PTPRT: variants seen among roughly 807,000 people sequenced by gnomAD.
The protein encoded by PTPRT is receptor-type tyrosine-protein phosphatase T.
In PTPRT, 56 loss-of-function variants were observed where a neutral mutation model predicts 176.8. The observed-to-expected ratio is 0.32, with a 90% CI of 0.26 to 0.40. The LOEUF is 0.40. Among genes scored for constraint, PTPRT ranks in the 10% least tolerant of loss-of-function variants. PTPRT has a pLI of 1.00. For missense variants in PTPRT, 1,540 were observed against 1,908.2 expected, an observed-to-expected ratio of 0.81 and a Z score of 3.60; for synonymous variants, 783 against 739.0, an observed-to-expected ratio of 1.06 and a Z score of -0.96.
chr20:42,944,782 A>C (rs190922877), intron 1 of PTPRT, among the ~76,000 whole-genome samples: 353 of 152,278 alleles, frequency 2.3e-3, no homozygotes, highest in African/African-American at 8.2e-3. Flanking sequence ...TGCATTAAGC[A>C]CTTGGTTGGT....
At chr20:42,438,640 TAC>T (rs1047915104) in intron 9 of PTPRT, among the ~76,000 whole-genome samples, 2 of 152,192 alleles carry the variant, frequency 1.3e-5, no homozygotes, top group African/African-American at 4.8e-5. Context: ...CATATGCTCA[TAC>T]ACACACCCCA....
At chr20:42,523,213 C>T (rs2072208238) in intron 7 of PTPRT, among the ~76,000 whole-genome samples, 1 of 152,192 alleles carries the variant, frequency 6.6e-6, no homozygotes, top group African/African-American at 2.4e-5. Context: ...TTATGTGTGA[C>T]TCTGAAGCCC....
At position 42,620,475 on chromosome 20, in the gene PTPRT, C is replaced by G. The variant is rs1390949454; in HGVS notation, c.1153+57391G>C. Among the ~76,000 whole-genome samples the G allele has an allele frequency of 2.7e-5, 4 of 148,638 alleles. No homozygotes were observed. In the East Asian group the frequency reaches 5.8e-4, roughly 22 times the overall value. On this transcript the variant is annotated intron_variant, in intron 7 of 30. Coordinates refer to ENST00000373187, the MANE Select transcript of PTPRT (RefSeq NM_007050.6). The stretch of plus-strand genomic sequence containing the variant: ...GAGCTGTGGTGGGCTCCACCCAGTT[C>G]GAGCTTCCTGGCTGCTTTGTTTACC...
At chr20:42,382,309 G>A (rs367572220) in intron 9 of PTPRT, among the ~76,000 whole-genome samples, 12 of 152,268 alleles carry the variant, frequency 7.9e-5, no homozygotes, top group East Asian at 3.9e-4. Context: ...GATGGAGTTC[G>A]GGGATATTTT....
chr20:42,175,135 C>G (rs1990237568), intron 16 of PTPRT, among the ~76,000 whole-genome samples: 1 of 152,156 alleles, frequency 6.6e-6, no homozygotes, highest in Non-Finnish European at 1.5e-5. Context: ...AGAACTTTTT[C>G]AAAGGCCAAA....
chr20:42,472,251 T>C lies in PTPRT; in HGVS notation c.1450+15A>G, dbSNP rs774229375. 1 of 1,610,698 alleles carries C rather than the reference T, an allele frequency of 6.2e-7. No individual in the cohort carries two copies. Among genetic ancestry groups the C allele is most frequent in the Admixed American group, 1.7e-5 (1 of 59,886 alleles). On this transcript the variant is annotated intron_variant, in intron 8 of 30. Coordinates refer to ENST00000373187, the MANE Select transcript of PTPRT (RefSeq NM_007050.6). ...AATATCCCCATTCCCATGTAAGCTCTCCTCCCTTGCTCACCGTCTTCCTCA... is the reference window on the plus strand; with the variant it reads ...AATATCCCCATTCCCATGTAAGCTCCCCTCCCTTGCTCACCGTCTTCCTCA...
At chr20:42,560,099 G>T (rs1199789269) in intron 7 of PTPRT, among the ~76,000 whole-genome samples, 1 of 152,194 alleles carries the variant, frequency 6.6e-6, no homozygotes, top group Non-Finnish European at 1.5e-5. Context: ...CCATCCTGTT[G>T]TCTGAGGAGG....
intron 6 of PTPRT, among the ~76,000 whole-genome samples, chr20:42,723,472 G>T (rs1381988346): frequency 1.3e-5 from 2 of 152,178 alleles, no homozygotes; most frequent in African/African-American, 4.8e-5. Flanking sequence ...CATATCCCCA[G>T]AAGTGGCTGG....
chr20:42,733,490 G>A (rs1038697318), intron 6 of PTPRT, among the ~76,000 whole-genome samples: 4 of 152,128 alleles, frequency 2.6e-5, no homozygotes, highest in Non-Finnish European at 5.9e-5. Context: ...CATCTCCATC[G>A]CCCCCACTTC....
At chr20:43,171,155 AATT>A in intron 1 of PTPRT, among the ~76,000 whole-genome samples, 1 of 152,336 alleles carries the variant, frequency 6.6e-6, no homozygotes, top group Non-Finnish European at 1.5e-5. Flanking sequence ...TTCTTTCTTT[AATT>A]ATTATCTTTC....
rs190992257 is a variant in PTPRT, at chr20:42,500,170, T to C, written c.1154-27608A>G. Among the ~76,000 whole-genome samples, 243 of 152,138 alleles carry C rather than the reference T, an allele frequency of 1.6e-3. 1 individual carries two copies. The highest frequency in any genetic ancestry group is 6.2e-3 in the Admixed American group (94 of 15,284). On this transcript the variant is annotated intron_variant, in intron 7 of 30. Coordinates refer to ENST00000373187, the MANE Select transcript of PTPRT (RefSeq NM_007050.6). ...ATATATGTTTTATTTTTGTTGCTAC[T>C]GTAAATGGTGTTTTTAAACTTTTTA...
At chr20:42,096,474 A>T (rs1985247809) in intron 27 of PTPRT, among the ~76,000 whole-genome samples, 2 of 152,254 alleles carry the variant, frequency 1.3e-5, no homozygotes, top group South Asian at 2.1e-4. Flanking sequence ...ATGTTGGCAC[A>T]CGCCTGTAAT....
intron 1 of PTPRT, among the ~76,000 whole-genome samples, chr20:43,073,143 A>C (rs2011202966): frequency 6.6e-6 from 1 of 152,200 alleles, no homozygotes; most frequent in African/African-American, 2.4e-5. Flanking sequence ...AGGGGACCAC[A>C]CGCTCATGAA....
intron 1 of PTPRT, among the ~76,000 whole-genome samples, chr20:43,091,366 T>C (rs2011845055): frequency 6.6e-6 from 1 of 152,128 alleles, no homozygotes; most frequent in South Asian, 2.1e-4. Context: ...AGAAGACGAC[T>C]GGATGTACTT....
At chr20:42,333,834 C>T (rs1241071897) in intron 11 of PTPRT, among the ~76,000 whole-genome samples, 1 of 152,034 alleles carries the variant, frequency 6.6e-6, no homozygotes, top group African/African-American at 2.4e-5. Flanking sequence ...GCATGCACCA[C>T]CACACCTGGC....
intron 6 of PTPRT, among the ~76,000 whole-genome samples, chr20:42,748,724 T>C (rs967029917): frequency 6.6e-6 from 1 of 152,030 alleles, no homozygotes; most frequent in African/African-American, 2.4e-5. Flanking sequence ...GGGGGTTACA[T>C]CCTGTATGAC....
At chr20:42,935,147 A>ATTTTTTT (rs57178522) in intron 1 of PTPRT, among the ~76,000 whole-genome samples, 1 of 42,166 alleles carries the variant, frequency 2.4e-5, no homozygotes, top group Non-Finnish European at 4.2e-5. Context: ...TTTTGCCATA[A>ATTTTTTT]TTTTTTTTTT....
chr20:42,709,029 G>A (rs904720361), intron 6 of PTPRT, among the ~76,000 whole-genome samples: 2 of 152,216 alleles, frequency 1.3e-5, no homozygotes, highest in Non-Finnish European at 2.9e-5. Context: ...CTGCCTCAGA[G>A]AACTGAAAAT....
intron 2 of PTPRT, among the ~76,000 whole-genome samples, chr20:42,843,912 CG>C (rs2078323702): frequency 6.6e-6 from 1 of 152,134 alleles, no homozygotes; most frequent in Non-Finnish European, 1.5e-5. Context: ...ATAATGCATG[CG>C]AGTGTGTTGC....
Sources: gnomAD v4.1 joint callset for allele counts (sites outside exome capture counted in the v4.1 genomes callset) on GRCh38, gnomAD v4.1.1 for gene constraint, MANE v1.5 for transcripts, NCBI Gene and HGNC (gene_info 2026-07-23, HGNC 2026-07-21) for gene names.